DPP10: variants seen among roughly 807,000 people sequenced by gnomAD.
DPP10 encodes the protein dipeptidyl peptidase like 10.
DPP10 carries 33 observed loss-of-function variants against 120.9 expected under a neutral mutation model. The ratio of observed to expected loss-of-function variants is 0.27; its 90% CI spans 0.21 to 0.37. DPP10 has a LOEUF of 0.37. Ranked by LOEUF, DPP10 falls within the 10% of genes least tolerant of loss-of-function variation. The pLI is 1.00. For missense variants in DPP10, 816 were observed against 942.8 expected (o/e 0.87, Z 1.76); for synonymous variants, 337 against 326.1 (o/e 1.03, Z -0.36).
intron 3 of DPP10, among the ~76,000 whole-genome samples, chr2:115,368,559 G>A (rs1367536250): frequency 6.6e-6 from 1 of 151,742 alleles, no homozygotes; most frequent in Non-Finnish European, 1.5e-5. Flanking sequence ...TTGTCTTCAG[G>A]TTTGCAGTAT....
chr2:114,499,392 C>T lies in DPP10; in HGVS notation c.60+56554C>T, dbSNP rs183188374. On this transcript the variant is annotated intron_variant, in intron 1 of 25. Coordinates refer to ENST00000410059, the MANE Select transcript of DPP10 (RefSeq NM_020868.6). ...GATGAACTCTTCACATTTATAATAA[C>T]GTCAGTTGGCCTCTTTGAAGATGTC... 2.2e-4 allele frequency among the ~76,000 whole-genome samples: 33 copies of T among 152,286 alleles called. No individual in the cohort carries two copies. In the South Asian group the frequency reaches 4.6e-3, roughly 21 times the overall value.
At chr2:115,717,183 G>C (rs1171408799) in intron 7 of DPP10, among the ~76,000 whole-genome samples, 1 of 152,124 alleles carries the variant, frequency 6.6e-6, no homozygotes, top group South Asian at 2.1e-4. Flanking sequence ...TTAACATTGA[G>C]GCTTTGAAGG....
At chr2:114,650,777 G>T (rs1696523463) in intron 1 of DPP10, among the ~76,000 whole-genome samples, 1 of 152,120 alleles carries the variant, frequency 6.6e-6, no homozygotes, top group Non-Finnish European at 1.5e-5. Flanking sequence ...CATCCTAGCA[G>T]ATGAGTCCTC....
intron 1 of DPP10, among the ~76,000 whole-genome samples, chr2:114,632,402 A>G (rs892864866): frequency 2.7e-5 from 4 of 149,488 alleles, no homozygotes; most frequent in African/African-American, 5.0e-5. Flanking sequence ...AGTACTATAT[A>G]TATATATTTG....
chr2:115,504,289 T>TG (rs1410639378), intron 4 of DPP10, among the ~76,000 whole-genome samples: 1 of 151,054 alleles, frequency 6.6e-6, no homozygotes, highest in African/African-American at 2.4e-5. Flanking sequence ...TTTTTTTTTT[T>TG]TTTTTACTAG....
intron 1 of DPP10, among the ~76,000 whole-genome samples, chr2:115,150,380 T>G (rs887531011): frequency 2.0e-5 from 3 of 152,218 alleles, no homozygotes; most frequent in African/African-American, 7.2e-5. Context: ...TTATCTATAG[T>G]GAAAATTATA....
At chr2:115,691,303 C>A (rs1440690411) in intron 7 of DPP10, among the ~76,000 whole-genome samples, 2 of 152,014 alleles carry the variant, frequency 1.3e-5, no homozygotes, top group Non-Finnish European at 2.9e-5. Flanking sequence ...TTGATGAAAT[C>A]TTTACAATGA....
At chr2:115,793,144 A>C (rs1043465126) in intron 19 of DPP10, among the ~76,000 whole-genome samples, 7 of 152,134 alleles carry the variant, frequency 4.6e-5, no homozygotes, top group African/African-American at 1.7e-4. Flanking sequence ...CAATTTGAAG[A>C]CTTCTCTTAT....
At chr2:114,820,128 G>A (rs181606504) in intron 1 of DPP10, among the ~76,000 whole-genome samples, 11 of 152,278 alleles carry the variant, frequency 7.2e-5, no homozygotes, top group East Asian at 5.8e-4. Context: ...CATTTATCCC[G>A]AAGCAAGAAT....
At chr2:115,162,028 G>T in intron 1 of DPP10, 2 of 1,411,806 alleles carry the variant, frequency 1.4e-6, no homozygotes, top group Non-Finnish European at 1.8e-6. Flanking sequence ...CGGCGGACCA[G>T]GTGAGAGTCG....
intron 3 of DPP10, among the ~76,000 whole-genome samples, chr2:115,363,218 G>A (rs959241147): frequency 6.6e-6 from 1 of 152,118 alleles, no homozygotes; most frequent in African/African-American, 2.4e-5. Context: ...ACCATTACCA[G>A]TAATGCTAAT....
chr2:114,605,546 G>A (rs1692715406), intron 1 of DPP10, among the ~76,000 whole-genome samples: 1 of 152,028 alleles, frequency 6.6e-6, no homozygotes, highest in Non-Finnish European at 1.5e-5. Context: ...TATGTCAATA[G>A]ACTGTTTATG....
intron 1 of DPP10, among the ~76,000 whole-genome samples, chr2:115,162,516 T>C (rs1044341015): frequency 1.3e-5 from 2 of 152,172 alleles, no homozygotes; most frequent in African/African-American, 2.4e-5. Flanking sequence ...CTCTGCTTTC[T>C]TGTTTCTTTT....
chr2:115,420,276 G>A (rs1451098345), intron 3 of DPP10, among the ~76,000 whole-genome samples: 1 of 152,170 alleles, frequency 6.6e-6, no homozygotes, highest in East Asian at 1.9e-4. Context: ...TACAAATGGA[G>A]TAGACACAAG....
intron 2 of DPP10, among the ~76,000 whole-genome samples, chr2:115,336,613 AT>A: frequency 6.9e-6 from 1 of 144,646 alleles, no homozygotes; most frequent in Non-Finnish European, 1.6e-5. Context: ...ATATATATAT[AT>A]AATTGTGCCT....
At chr2:115,408,082 C>T (rs1717038) in intron 3 of DPP10, among the ~76,000 whole-genome samples, 77,343 of 151,788 alleles carry the variant, frequency 0.51, 20,647 homozygotes, top group Non-Finnish European at 0.61. Flanking sequence ...ATCTCCCAGT[C>T]TCGGTGACCA....
At chr2:115,356,836 G>A (rs971833187) in intron 3 of DPP10, among the ~76,000 whole-genome samples, 1 of 152,106 alleles carries the variant, frequency 6.6e-6, no homozygotes, top group Non-Finnish European at 1.5e-5. Context: ...ATGAACATAT[G>A]GGTGTCTTCT....
chr2:115,572,966 A>G (rs1025243809), intron 5 of DPP10, among the ~76,000 whole-genome samples: 3 of 152,344 alleles, frequency 2.0e-5, no homozygotes, highest in African/African-American at 7.2e-5. Flanking sequence ...TGCAGAAGAT[A>G]CACTGCTTAT....
At chr2:114,992,315 C>A (rs1700796726) in intron 1 of DPP10, among the ~76,000 whole-genome samples, 1 of 152,082 alleles carries the variant, frequency 6.6e-6, no homozygotes, top group South Asian at 2.1e-4. Flanking sequence ...GTTAGACATC[C>A]CTCTAGTTCA....
Sources: allele counts gnomAD v4.1 joint callset (sites outside exome capture counted in the v4.1 genomes callset), GRCh38; gene constraint gnomAD v4.1.1; transcripts MANE v1.5; gene names NCBI Gene and HGNC (gene_info 2026-07-23, HGNC 2026-07-21).